The following TP63 variants were observed in gnomAD, a reference collection of about 807,000 sequenced individuals.
TP63 encodes tumor protein p63, also known as tumor protein 63.
In TP63, 17 loss-of-function variants were observed where a neutral mutation model predicts 82.8. That is an observed-to-expected ratio of 0.21 (90% CI 0.14 to 0.31). The LOEUF is 0.31. Among genes scored for constraint, TP63 ranks in the 10% least tolerant of loss-of-function variants. The probability of loss-of-function intolerance (pLI) is 1.00; values close to 1 mark genes in which losing one functional copy is unlikely to be tolerated. For missense variants in TP63, 648 were observed against 895.3 expected (o/e 0.72, Z 3.52); for synonymous variants, 330 against 321.7 (o/e 1.03, Z -0.28).
intron 3 of TP63, among the ~76,000 whole-genome samples, chr3:189,793,424 A>G (rs930159989): frequency 4.6e-5 from 7 of 152,098 alleles, no homozygotes; most frequent in African/African-American, 1.7e-4. Context: ...ACATTTTCTG[A>G]ATGCAAAGTT....
chr3:189,865,746 C>G (rs1717648525), intron 5 of TP63, among the ~76,000 whole-genome samples: 1 of 152,186 alleles, frequency 6.6e-6, no homozygotes, highest in Admixed American at 6.5e-5. Context: ...ATTATCCGTA[C>G]ATTTATCTCT....
intron 3 of TP63, among the ~76,000 whole-genome samples, chr3:189,759,067 C>T (rs1220871300): frequency 2.0e-5 from 3 of 152,194 alleles, no homozygotes; most frequent in African/African-American, 7.2e-5. Flanking sequence ...CAGTTGAGCA[C>T]ACCAATATAC....
intron 1 of TP63, among the ~76,000 whole-genome samples, chr3:189,736,816 T>A (rs548016245): frequency 6.6e-6 from 1 of 152,188 alleles, no homozygotes; most frequent in Non-Finnish European, 1.5e-5. Context: ...CATACAGTAT[T>A]TTTCTAATTC....
At chr3:189,658,072 A>G (rs1376292636) in intron 1 of TP63, among the ~76,000 whole-genome samples, 5 of 152,070 alleles carry the variant, frequency 3.3e-5, no homozygotes, top group African/African-American at 1.2e-4. Flanking sequence ...CTGTGTTTTC[A>G]AAAAGTAAAG....
chr3:189,883,683 G>A (rs1468472149), intron 10 of TP63, among the ~76,000 whole-genome samples: 1 of 152,088 alleles, frequency 6.6e-6, no homozygotes, highest in Non-Finnish European at 1.5e-5. Flanking sequence ...CTAGGCTACA[G>A]GTTAAGAAAA....
chr3:189,634,485 T>C (rs1577148823), intron 1 of TP63, among the ~76,000 whole-genome samples: 1 of 148,754 alleles, frequency 6.7e-6, no homozygotes, highest in Non-Finnish European at 1.5e-5. Flanking sequence ...CTGTTTTTTT[T>C]CCTTTCCACT....
At chr3:189,884,039 C>CTGG (rs1288138741) in intron 10 of TP63, among the ~76,000 whole-genome samples, 1 of 152,074 alleles carries the variant, frequency 6.6e-6, no homozygotes, top group Admixed American at 6.6e-5. Context: ...GTACATTTGA[C>CTGG]TGGTTTGAGG....
chr3:189,695,743 G>A (rs901741533), intron 1 of TP63, among the ~76,000 whole-genome samples: 2 of 152,174 alleles, frequency 1.3e-5, no homozygotes, highest in East Asian at 1.9e-4. Flanking sequence ...GAAAAACCTC[G>A]CTCTCATACA....
intron 1 of TP63, among the ~76,000 whole-genome samples, chr3:189,713,867 A>G (rs1024918678): frequency 2.6e-5 from 4 of 152,192 alleles, no homozygotes; most frequent in Non-Finnish European, 5.9e-5. Flanking sequence ...GTAGCAAATC[A>G]ATTTCTAAGT....
chr3:189,661,212 C>T (rs966511182), intron 1 of TP63, among the ~76,000 whole-genome samples: 35 of 151,872 alleles, frequency 2.3e-4, no homozygotes, highest in Non-Finnish European at 1.5e-5. Flanking sequence ...GTAGGTTTGC[C>T]GTAGATCACT....
intron 1 of TP63, among the ~76,000 whole-genome samples, chr3:189,677,750 T>A (rs759601394): frequency 1.3e-5 from 2 of 151,996 alleles, no homozygotes; most frequent in Non-Finnish European, 2.9e-5. Flanking sequence ...CCCAGCCTCA[T>A]CAACATCTGT....
the TP63 span, among the ~76,000 whole-genome samples, chr3:189,619,830 G>T: frequency 6.6e-6 from 1 of 152,196 alleles, no homozygotes; most frequent in South Asian, 2.1e-4. Context: ...TTCTCCTTCA[G>T]CCCCAAACTG....
At chr3:189,663,380 A>G (rs1355662030) in intron 1 of TP63, among the ~76,000 whole-genome samples, 1 of 152,152 alleles carries the variant, frequency 6.6e-6, no homozygotes, top group Non-Finnish European at 1.5e-5. Context: ...ACATCATCTT[A>G]AAGCATCTTA....
intron 3 of TP63, among the ~76,000 whole-genome samples, chr3:189,779,000 T>C (rs945992268): frequency 1.3e-5 from 2 of 152,228 alleles, no homozygotes; most frequent in African/African-American, 2.4e-5. Flanking sequence ...TGTGTGTGTC[T>C]TTATATGACT....
chr3:189,601,829 C>T, the TP63 span, among the ~76,000 whole-genome samples: 1 of 152,184 alleles, frequency 6.6e-6, no homozygotes, highest in Non-Finnish European at 1.5e-5. Flanking sequence ...ATGTGTCCAT[C>T]TCACACTACC....
intron 3 of TP63, among the ~76,000 whole-genome samples, chr3:189,771,654 G>A (rs1277718226): frequency 6.6e-6 from 1 of 151,276 alleles, no homozygotes; most frequent in Non-Finnish European, 1.5e-5. Context: ...TTGAATATTT[G>A]GGCACACGTG....
intron 10 of TP63, among the ~76,000 whole-genome samples, chr3:189,878,120 T>C (rs1719441276): frequency 6.6e-6 from 1 of 152,132 alleles, no homozygotes; most frequent in African/African-American, 2.4e-5. Context: ...ATCAAGAATA[T>C]TGATATTTTT....
intron 4 of TP63, among the ~76,000 whole-genome samples, chr3:189,841,408 G>T (rs1033015669): frequency 3.9e-5 from 6 of 152,166 alleles, no homozygotes; most frequent in Non-Finnish European, 8.8e-5. Flanking sequence ...ATGGAAATCA[G>T]TAGATGCCAT....
At chr3:189,711,188 C>T (rs750464036) in intron 1 of TP63, among the ~76,000 whole-genome samples, 1 of 152,146 alleles carries the variant, frequency 6.6e-6, no homozygotes, top group African/African-American at 2.4e-5. Flanking sequence ...TAATCATTTA[C>T]AGCATAGATT....
Sources: allele counts gnomAD v4.1 joint callset (sites outside exome capture counted in the v4.1 genomes callset), GRCh38; gene constraint gnomAD v4.1.1; transcripts MANE v1.5; gene names NCBI Gene and HGNC (gene_info 2026-07-23, HGNC 2026-07-21).